ROBO1: variants seen among roughly 807,000 people sequenced by gnomAD.
ROBO1 encodes roundabout guidance receptor 1.
ROBO1 carries 149 observed loss-of-function variants against 195.9 expected under a neutral mutation model. The observed-to-expected ratio is 0.76, with a 90% CI of 0.67 to 0.87. ROBO1 has a LOEUF of 0.87. ROBO1 is among the 40% of genes least tolerant of loss of function. The probability of loss-of-function intolerance (pLI) is 0.00; values close to 1 mark genes in which losing one functional copy is unlikely to be tolerated. For synonymous variants in ROBO1, 816 were observed against 733.2 expected (o/e 1.11, Z -1.82); for missense variants, 1,933 against 2,068.3 (o/e 0.93, Z 1.27).
At chr3:79,222,577 C>G (rs1175039089) in intron 2 of ROBO1, among the ~76,000 whole-genome samples, 1 of 151,544 alleles carries the variant, frequency 6.6e-6, no homozygotes, top group Non-Finnish European at 1.5e-5. Context: ...CTTTCTATCA[C>G]TTTTTGTCTC....
intron 4 of ROBO1, among the ~76,000 whole-genome samples, chr3:78,846,344 G>A (rs2033670015): frequency 6.6e-6 from 1 of 151,976 alleles, no homozygotes; most frequent in Admixed American, 6.6e-5. Context: ...TTATAAATCA[G>A]CAGCCATGTT....
chr3:79,382,596 C>T (rs2036611202), intron 2 of ROBO1, among the ~76,000 whole-genome samples: 1 of 152,066 alleles, frequency 6.6e-6, no homozygotes, highest in Non-Finnish European at 1.5e-5. Context: ...GTTTCCTAGG[C>T]TAGATGCTGT....
chr3:79,012,799 G>A (rs2077817356), intron 3 of ROBO1, among the ~76,000 whole-genome samples: 1 of 152,004 alleles, frequency 6.6e-6, no homozygotes, highest in African/African-American at 2.4e-5. Flanking sequence ...AAAGAGAGAG[G>A]AAAAAGCAAA....
intron 4 of ROBO1, among the ~76,000 whole-genome samples, chr3:78,907,518 A>T (rs554292987): frequency 1.1e-4 from 16 of 152,178 alleles, no homozygotes; most frequent in Admixed American, 1.0e-3. Flanking sequence ...TATAACCTTC[A>T]TTTATTCCCT....
intron 2 of ROBO1, among the ~76,000 whole-genome samples, chr3:79,513,689 A>C (rs1940820213): frequency 7.7e-6 from 1 of 129,338 alleles, no homozygotes; most frequent in Non-Finnish European, 1.6e-5. Flanking sequence ...AAGTTAATAA[A>C]AATAACCTGA....
chr3:79,254,713 A>G (rs2082796893), intron 2 of ROBO1, among the ~76,000 whole-genome samples: 1 of 152,176 alleles, frequency 6.6e-6, no homozygotes, highest in Admixed American at 6.6e-5. Flanking sequence ...CCTGTTAGCT[A>G]TGTAACCTCG....
At chr3:79,572,308 C>T (rs1400065917) in intron 2 of ROBO1, among the ~76,000 whole-genome samples, 1 of 152,002 alleles carries the variant, frequency 6.6e-6, no homozygotes, top group African/African-American at 2.4e-5. Flanking sequence ...TTTACATAAA[C>T]ATAACACATC....
At chr3:79,592,865 C>A (rs2107829577) in intron 1 of ROBO1, among the ~76,000 whole-genome samples, 1 of 152,120 alleles carries the variant, frequency 6.6e-6, no homozygotes, top group Admixed American at 6.6e-5. Context: ...AGTTTCACTG[C>A]CCTAAAAATC....
At chr3:79,594,460 C>G (rs1489015196) in intron 1 of ROBO1, among the ~76,000 whole-genome samples, 1 of 151,842 alleles carries the variant, frequency 6.6e-6, no homozygotes, top group Non-Finnish European at 1.5e-5. Flanking sequence ...TACAGCATAC[C>G]TTTTTGAAAA....
intron 3 of ROBO1, among the ~76,000 whole-genome samples, chr3:79,051,221 G>C (rs972644803): frequency 6.6e-6 from 1 of 151,968 alleles, no homozygotes; most frequent in Admixed American, 6.6e-5. Context: ...AATGATAAAG[G>C]GGATATCACC....
At chr3:78,823,383 A>T (rs974284584) in intron 4 of ROBO1, among the ~76,000 whole-genome samples, 1 of 152,206 alleles carries the variant, frequency 6.6e-6, no homozygotes, top group African/African-American at 2.4e-5. Flanking sequence ...TCGAAACTTA[A>T]TTTACTATCC....
At chr3:79,197,234 T>C (rs546822740) in intron 2 of ROBO1, among the ~76,000 whole-genome samples, 1 of 151,964 alleles carries the variant, frequency 6.6e-6, no homozygotes, top group East Asian at 1.9e-4. Flanking sequence ...TTCCCCTCCC[T>C]GTGTCCATGT....
At chr3:79,586,198 A>G (rs1453723520) in intron 2 of ROBO1, among the ~76,000 whole-genome samples, 1 of 152,018 alleles carries the variant, frequency 6.6e-6, no homozygotes, top group African/African-American at 2.4e-5. Context: ...AAACAAAAAC[A>G]AAACTTAGAA....
chr3:78,635,561 ATACT>A (rs1314897119), intron 23 of ROBO1, among the ~76,000 whole-genome samples: 13 of 152,166 alleles, frequency 8.5e-5, no homozygotes, highest in African/African-American at 3.1e-4. Flanking sequence ...CCATTTGAAA[ATACT>A]TATATATTAT....
intron 2 of ROBO1, among the ~76,000 whole-genome samples, chr3:79,520,172 A>AG (rs1553757629): frequency 0.016 from 2,406 of 149,278 alleles, 81 homozygotes; most frequent in African/African-American, 0.057. Context: ...AAAAAAAAAA[A>AG]AGAGAGAGAG....
intron 4 of ROBO1, among the ~76,000 whole-genome samples, chr3:78,793,110 GACAACA>G (rs979381844): frequency 3.8e-5 from 5 of 129,950 alleles, no homozygotes; most frequent in Non-Finnish European, 4.8e-5. Context: ...GACAGAGTGA[GACAACA>G]ACAACAACAA....
At chr3:79,266,900 C>T (rs764090167) in intron 2 of ROBO1, among the ~76,000 whole-genome samples, 45 of 151,596 alleles carry the variant, frequency 3.0e-4, no homozygotes, top group Admixed American at 1.3e-3. Flanking sequence ...AATCTGCTCT[C>T]CCATATAATG....
At chr3:78,992,927 A>G (rs924757230) in intron 3 of ROBO1, among the ~76,000 whole-genome samples, 1 of 152,144 alleles carries the variant, frequency 6.6e-6, no homozygotes. Context: ...GTAAGGACAA[A>G]AGAACACGCC....
At chr3:79,538,562 ACCTG>A (rs1213744120) in intron 2 of ROBO1, among the ~76,000 whole-genome samples, 36 of 152,246 alleles carry the variant, frequency 2.4e-4, no homozygotes, top group South Asian at 1.5e-3. Context: ...ACTGTTGGTT[ACCTG>A]CAACCGAAAA....
Sources: allele counts gnomAD v4.1 joint callset (sites outside exome capture counted in the v4.1 genomes callset), GRCh38; gene constraint gnomAD v4.1.1; transcripts MANE v1.5; gene names NCBI Gene and HGNC (gene_info 2026-07-23, HGNC 2026-07-21).